Variants in BSCL2 observed in about 807,000 individuals in gnomAD.
The protein encoded by BSCL2 is seipin.
Under a neutral mutation model 57.4 loss-of-function variants are expected in BSCL2, and 41 were observed. The observed-to-expected ratio is 0.71, with a 90% confidence interval of 0.56 to 0.93. BSCL2 has a LOEUF of 0.93. Ranked by LOEUF, BSCL2 falls within the 40% of genes least tolerant of loss-of-function variation. The pLI is 0.00. For missense variants in BSCL2, 539 were observed against 586.7 expected (o/e 0.92, Z 0.84); for synonymous variants, 237 against 227.3 (o/e 1.04, Z -0.38).
At position 62,690,908 on chromosome 11, in the gene BSCL2, T is replaced by C. The variant is rs763335850; in HGVS notation, c.1073-41A>G. The stretch of plus-strand genomic sequence containing the variant: ...GGGAGAGGACAGGTTAGGGTTAGGG[T>C]GGCTGTGCCTGGACGGCAGTGCCAA... On this transcript the variant is annotated intron_variant, in intron 8 of 10. Transcript: ENST00000360796. 4.4e-6 allele frequency: 7 copies of C among 1,607,634 alleles called. No individual in the cohort carries two copies. In the South Asian group the frequency reaches 6.6e-5, roughly 15 times the overall value.
In BSCL2 at chr11:62,690,669, TCTC is replaced by T. The variant is rs769661232; in HGVS notation, c.1174_1176del (p.Glu392del). 36 of 1,613,722 alleles carry T rather than the reference TCTC, an allele frequency of 2.2e-5. No individual in the cohort carries two copies. The South Asian group carries it at 3.8e-4, about 17-fold the overall frequency. ...CCGCTCAGGGGCTGCTGATCTGGTTTCTCCTCCTCGGACAGCTGACCCTCTGCA... is the reference window on the plus strand; with the variant it reads ...CCGCTCAGGGGCTGCTGATCTGGTTTCTCCTCGGACAGCTGACCCTCTGCA... On this transcript the variant is annotated inframe_deletion, in exon 10 of 11. Transcript: ENST00000360796.
intron 2 of BSCL2, among the ~76,000 whole-genome samples, chr11:62,704,590 A>G (rs1945760136): frequency 1.3e-5 from 2 of 151,866 alleles, no homozygotes; most frequent in Non-Finnish European, 2.9e-5. Context: ...CATCTCTACT[A>G]AAAATACAAA....
At chr11:62,695,511 C>T (rs1434072385) in intron 3 of BSCL2, among the ~76,000 whole-genome samples, 1 of 127,650 alleles carries the variant, frequency 7.8e-6, no homozygotes. Flanking sequence ...GAGTTCGAGA[C>T]CAGCCTGGCC....
intron 5 of BSCL2, 42 bp downstream of exon 5, chr11:62,692,621 A>T: frequency 6.2e-7 from 1 of 1,613,506 alleles, no homozygotes; most frequent in Non-Finnish European, 8.5e-7. Flanking sequence ...GGCTAATGGG[A>T]GGGGCTATCT....
Position 62,707,304 on chromosome 11 carries a change from G to A in BSCL2, c.-109C>T, listed in dbSNP as rs796912815. On this transcript the variant is annotated 5_prime_UTR_variant, in exon 1 of 11. Coordinates refer to ENST00000360796, the MANE Select transcript of BSCL2 (RefSeq NM_001122955.4). Reference sequence around the variant, plus strand: ...ACCTGTGGCGCATCACATTTTCCTGGATATGGAAAATGGAGGGTCCCTGGG... The same window carrying A: ...ACCTGTGGCGCATCACATTTTCCTGAATATGGAAAATGGAGGGTCCCTGGG... 2.0e-6 allele frequency: 2 copies of A among 991,798 alleles called. No homozygotes were observed. Among genetic ancestry groups the A allele is most frequent in the Non-Finnish European group, 1.6e-6 (1 of 639,402 alleles). 61.4% of individuals were successfully genotyped at this position (991,798 alleles called of 1,614,324 possible).
upstream of BSCL2, chr11:62,709,202 G>C (rs1249609091): frequency 3.3e-5 from 15 of 456,848 alleles, no homozygotes; most frequent in African/African-American, 6.0e-5. Flanking sequence ...CAGAGCCTCA[G>C]GACAGCTCCT....
In BSCL2 at chr11:62,705,557, T is replaced by C. The variant is rs770638595; in HGVS notation, c.148A>G (p.Asn50Asp). The C allele has an allele frequency of 1.3e-6, 2 of 1,599,730 alleles. No homozygotes were observed. The highest frequency in any genetic ancestry group is 2.7e-5 in the African/African-American group (2 of 74,698). ...GWRPGGRAAR[N>D]ARPEPGARHP... ...CTGGCCCCAGGTTCAGGCCTTGCGTTCCTAGCTGCTCTGCCACCTGGACGC... is the reference window on the plus strand; with the variant it reads ...CTGGCCCCAGGTTCAGGCCTTGCGTCCCTAGCTGCTCTGCCACCTGGACGC... The change falls in exon 2 of 11, where the codon AAC becomes GAC. Residue 50 changes from asparagine to aspartate, a missense_variant. Physicochemically the swap from Asn to Asp is conservative, Grantham distance 23. This residue lies in a region of BSCL2 where 218 missense variants were observed against 224.8 expected (regional missense o/e 0.97). Coordinates refer to ENST00000360796, the MANE Select transcript of BSCL2 (RefSeq NM_001122955.4).
At chr11:62,700,084 T>TAAAAAAAAAAA (rs34412546) in intron 3 of BSCL2, among the ~76,000 whole-genome samples, 4 of 80,228 alleles carry the variant, frequency 5.0e-5, no homozygotes, top group East Asian at 3.8e-4. Context: ...TACTAAAAAT[T>TAAAAAAAAAAA]AAAAAAAAAA....
intron 4 of BSCL2, among the ~76,000 whole-genome samples, chr11:62,693,140 C>T (rs1462064309): frequency 1.3e-5 from 2 of 152,140 alleles, no homozygotes; most frequent in Admixed American, 6.5e-5. Context: ...AGCTTTCCCC[C>T]CATCATGTAG....
At chr11:62,705,751 C>G (rs2083519854) in intron 1 of BSCL2, 134 bp from the exon 2 acceptor site, 1 of 895,642 alleles carries the variant, frequency 1.1e-6, no homozygotes, top group Admixed American at 2.9e-5. Context: ...TATGGCCTTT[C>G]TCCAAATGAT....
upstream of BSCL2, chr11:62,708,456 A>T: frequency 7.5e-7 from 1 of 1,330,816 alleles, no homozygotes; most frequent in Non-Finnish European, 1.1e-6. Flanking sequence ...GCAGGTTCCC[A>T]AAGCTCAAGA....
chr11:62,705,200 C>T, intron 2 of BSCL2, 101 bp downstream of exon 2: 12 of 1,312,674 alleles, frequency 9.1e-6, no homozygotes, highest in Non-Finnish European at 1.3e-5. Context: ...CACCTGGCTC[C>T]AGTTTTCCTT....
chr11:62,706,293 G>A (rs1565153546), intron 1 of BSCL2: 4 of 1,116,794 alleles, frequency 3.6e-6, no homozygotes, highest in East Asian at 9.6e-5. Context: ...CCGTGAGACG[G>A]GACTTCCGGC....
rs760106114 is a variant in BSCL2 at position 62,691,312 on chromosome 11, C to T, written c.973G>A (p.Gly325Ser). ...LFSYMQWVWG[G>S]IWPRHRFSLQ... ...GAGAAGCGGTGTCGGGGCCAGATGC[C>T]CCCCCACACCCACTGCATGTAGCTG... Residue 325 changes from glycine (G) to serine (S), a missense_variant, in exon 7 of 11, where the codon GGC becomes AGC. Gly to Ser is a moderately conservative substitution (Grantham distance 56). Coordinates refer to ENST00000360796, the MANE Select transcript of BSCL2 (RefSeq NM_001122955.4). 7 of 1,613,962 alleles carry T rather than the reference C, an allele frequency of 4.3e-6. No individual in the cohort carries two copies. The highest frequency in any genetic ancestry group is 2.7e-5 in the African/African-American group (2 of 74,878).
rs745900103 is a variant in BSCL2 at position 62,694,561 on chromosome 11, CACTT to C, written c.630+3_630+6del. ...CACACCTTCTCAGACAGGCCACCAA[CACTT>C]ACCGAACGCGAAGAAGTGGAGATGA... On this transcript the variant is annotated splice_donor_5th_base_variant and intron_variant, in intron 4 of 10. Coordinates refer to ENST00000360796, the MANE Select transcript of BSCL2 (RefSeq NM_001122955.4). 1 of 1,613,970 alleles carries C rather than the reference CACTT, an allele frequency of 6.2e-7. No individual in the cohort carries two copies. Among genetic ancestry groups the C allele is most frequent in the South Asian group, 1.1e-5 (1 of 91,070 alleles).
At chr11:62,695,341 C>T (rs1229877348) in intron 3 of BSCL2, among the ~76,000 whole-genome samples, 2 of 151,490 alleles carry the variant, frequency 1.3e-5, no homozygotes, top group Non-Finnish European at 2.9e-5. Flanking sequence ...AAGGCCCTCA[C>T]ACAGTAGTAT....
Position 62,690,659 on chromosome 11 carries a change from T to C in BSCL2, c.1187A>G (p.Gln396Arg), listed in dbSNP as rs753131873. Residue 396 changes from glutamine (Q) to arginine (R), a missense_variant, in exon 10 of 11, where the codon CAG becomes CGG. Transcript: ENST00000360796. ...GQLSEEEKPD[Q>R]QPLSGEEELE... ...CTCCTCTTCTCCGCTCAGGGGCTGC[T>C]GATCTGGTTTCTCCTCCTCGGACAG... 6 of 1,613,812 alleles carry C rather than the reference T, an allele frequency of 3.7e-6. No homozygotes were observed. The South Asian group carries it at 6.6e-5, about 18-fold the overall frequency.
At chr11:62,696,065 C>T (rs974489296) in intron 3 of BSCL2, among the ~76,000 whole-genome samples, 5 of 151,880 alleles carry the variant, frequency 3.3e-5, no homozygotes, top group African/African-American at 7.3e-5. Context: ...CCCAGCTACT[C>T]GGAGGCTGAG....
Position 62,691,271 on chromosome 11 carries a change from C to G in BSCL2, c.1005+9G>C. The G allele has an allele frequency of 6.2e-7, 1 of 1,614,146 alleles. No individual in the cohort carries two copies. On this transcript the variant is annotated intron_variant, in intron 7 of 10. Transcript: ENST00000360796. ...AAAGGGACAAAAGGGGGTCCTTGCC[C>G]CTTTCGACCTGCAAAGAGAAGCGGT...
Sources: gnomAD v4.1 joint callset for allele counts (sites outside exome capture counted in the v4.1 genomes callset) on GRCh38, gnomAD v4.1.1 for gene constraint, gnomAD v4.1.1 regional missense constraint, MANE v1.5 for transcripts, NCBI Gene and HGNC (gene_info 2026-07-23, HGNC 2026-07-21) for gene names.